Variants in USP34 observed in about 807,000 individuals in gnomAD.
USP34 encodes the protein ubiquitin specific peptidase 34, also known as ubiquitin carboxyl-terminal hydrolase 34.
Under a neutral mutation model 460.3 loss-of-function variants are expected in USP34, and 70 were observed. That is an observed-to-expected ratio of 0.15 (90% confidence interval 0.13 to 0.19). The LOEUF is 0.19. Ranked by LOEUF, USP34 falls within the 10% of genes least tolerant of loss-of-function variation. The pLI is 1.00. For missense variants in USP34, 3,985 were observed against 4,236.2 expected (o/e 0.94, Z 1.65); for synonymous variants, 1,647 against 1,405.3 (o/e 1.17, Z -3.85).
chr2:61,312,020 G>C, intron 25 of USP34, 110 bp from the exon 26 acceptor site: 1 of 1,348,648 alleles, frequency 7.4e-7, no homozygotes, highest in Non-Finnish European at 9.9e-7. Flanking sequence ...GAAGTTCTAA[G>C]TTCATTCCAA....
At chr2:61,403,863 G>C (rs528228218) in intron 3 of USP34, among the ~76,000 whole-genome samples, 1 of 151,774 alleles carries the variant, frequency 6.6e-6, no homozygotes, top group Non-Finnish European at 1.5e-5. Flanking sequence ...CATGGTGGCG[G>C]GCACCTGTAC....
intron 48 of USP34, among the ~76,000 whole-genome samples, chr2:61,252,862 CAG>C (rs899268618): frequency 6.6e-6 from 1 of 152,140 alleles, no homozygotes; most frequent in African/African-American, 2.4e-5. Context: ...GAACAGGTGA[CAG>C]AGCACAGCAA....
chr2:61,333,981 C>T lies in USP34; in HGVS notation c.2745-10G>A, dbSNP rs763313490. ...TGAAATTACTACTGATCTGAAACAG[C>T]AGAAACATTCACAAAATAATTTTAG... On this transcript the variant is annotated splice_polypyrimidine_tract_variant and intron_variant, in intron 18 of 79. Coordinates refer to ENST00000398571, the MANE Select transcript of USP34 (RefSeq NM_014709.4). 3 of 1,530,046 alleles carry T rather than the reference C, an allele frequency of 2.0e-6. No individual in the cohort carries two copies. Among genetic ancestry groups the T allele is most frequent in the Non-Finnish European group, 1.8e-6 (2 of 1,136,654 alleles). The allele number at this position is 1,530,046 out of a possible 1,614,324, so 94.8% of individuals were successfully genotyped here. A position where few individuals can be genotyped will look rare whatever the true frequency, so the allele number is the denominator to read the frequency against.
intron 37 of USP34, 148 bp from the exon 38 acceptor site, chr2:61,281,390 TA>T: frequency 3.9e-6 from 4 of 1,029,878 alleles, no homozygotes; most frequent in Non-Finnish European, 5.5e-6. Flanking sequence ...GGCAGGAGGA[TA>T]ACCTGTGGCC....
Position 61,321,448 on chromosome 2 carries a change from G to C in USP34, c.3014-2121C>G, listed in dbSNP as rs918657755. ...ATTTGCGCCACTGCTCTCCAGCCTG[G>C]TGACAGAGTAAGACTCCGTCTCAAA... On this transcript the variant is annotated intron_variant, in intron 21 of 79. Coordinates refer to ENST00000398571, the MANE Select transcript of USP34 (RefSeq NM_014709.4). 6.6e-5 allele frequency among the ~76,000 whole-genome samples: 10 copies of C among 152,168 alleles called. 1 individual carries two copies. The highest frequency in any genetic ancestry group is 1.3e-4 in the Non-Finnish European group (9 of 68,026).
intron 1 of USP34, among the ~76,000 whole-genome samples, chr2:61,466,135 A>G (rs191106863): frequency 2.6e-4 from 40 of 152,202 alleles, no homozygotes; most frequent in Non-Finnish European, 5.0e-4. Context: ...ACAATAATAT[A>G]TGATACAAGC....
At chr2:61,232,094 T>C (rs947889392) in intron 58 of USP34, among the ~76,000 whole-genome samples, 1 of 152,110 alleles carries the variant, frequency 6.6e-6, no homozygotes, top group African/African-American at 2.4e-5. Context: ...TCATTAGCTT[T>C]TGAGGTCACT....
chr2:61,301,323 T>C (rs778645114), intron 28 of USP34, 31 bp downstream of exon 28: 2 of 1,604,146 alleles, frequency 1.2e-6, no homozygotes, highest in African/African-American at 2.7e-5. Context: ...AAACAGATCA[T>C]TAAAACTCAA....
intron 18 of USP34, among the ~76,000 whole-genome samples, chr2:61,337,790 T>C (rs944398287): frequency 3.3e-5 from 5 of 152,158 alleles, no homozygotes; most frequent in Admixed American, 6.5e-5. Flanking sequence ...TTAGCATTCT[T>C]GACTCTGCCT....
At chr2:61,196,439 G>T (rs753155257) in intron 75 of USP34, among the ~76,000 whole-genome samples, 3 of 151,858 alleles carry the variant, frequency 2.0e-5, no homozygotes, top group Non-Finnish European at 4.4e-5. Flanking sequence ...TGCCCAAGCT[G>T]ATCTCCCATT....
chr2:61,193,593 C>G (rs758694434), intron 75 of USP34, among the ~76,000 whole-genome samples: 3 of 152,096 alleles, frequency 2.0e-5, no homozygotes, highest in Non-Finnish European at 4.4e-5. Context: ...CTTGACTATT[C>G]CAGATGTAAA....
Position 61,241,582 on chromosome 2 carries a change from T to C in USP34, c.6755A>G (p.Asp2252Gly). ...TACCTCTAGTAACTCTGACGAAACATCAAATTTGTATTCTCTGCCATTTTC... is the reference window on the plus strand; with the variant it reads ...TACCTCTAGTAACTCTGACGAAACACCAAATTTGTATTCTCTGCCATTTTC... ...EEENGREYKF[D>G]VSSELLEWIW... The change falls in exon 53 of 80, where the codon GAT becomes GGT. Residue 2252 changes from aspartate (D) to glycine (G), a missense_variant. Around this residue, in one of 14 missense-constraint regions of USP34, gnomAD observed 604 missense variants for 684.8 expected, o/e 0.88. Transcript: ENST00000398571. The C allele has an allele frequency of 6.2e-7, 1 of 1,609,506 alleles. No individual in the cohort carries two copies. The highest frequency in any genetic ancestry group is 2.2e-5 in the East Asian group (1 of 44,740).
intron 1 of USP34, among the ~76,000 whole-genome samples, chr2:61,433,827 T>G (rs1157888622): frequency 6.6e-6 from 1 of 152,060 alleles, no homozygotes; most frequent in African/African-American, 2.4e-5. Flanking sequence ...CAGAGCCACC[T>G]CTGGAGTGCA....
intron 72 of USP34, 128 bp from the exon 73 acceptor site, chr2:61,204,729 C>T: frequency 1.4e-6 from 1 of 691,986 alleles, no homozygotes; most frequent in Non-Finnish European, 2.5e-6. Context: ...AAGCTCCTGA[C>T]ACGAGTAGAA....
At chr2:61,256,674 GTTAA>G (rs1203015435) in intron 47 of USP34, among the ~76,000 whole-genome samples, 195 bp downstream of exon 47, 1 of 151,688 alleles carries the variant, frequency 6.6e-6, no homozygotes, top group Non-Finnish European at 1.5e-5. Flanking sequence ...TTTTTGAAGG[GTTAA>G]TTAAAAATTT....
chr2:61,229,561 C>G lies in USP34; in HGVS notation c.7186G>C (p.Gly2396Arg). ...PVHAHLYLQP[G>R]MEDGSDDMDT... ...AGTACTTCTTACCCATCTTCCATTC[C>G]TGGCTGCAAATAGAGATGAGCATGC... is the stretch of plus-strand genomic sequence containing the variant. The change falls in exon 59 of 80, where the codon GGA becomes CGA. Residue 2396 changes from glycine to arginine, a missense_variant. Gly to Arg is a moderately radical substitution (Grantham distance 125). Around this residue, in one of 14 missense-constraint regions of USP34, gnomAD observed 604 missense variants for 684.8 expected, o/e 0.88. Coordinates refer to ENST00000398571, the MANE Select transcript of USP34 (RefSeq NM_014709.4). 6.2e-7 allele frequency: 1 copy of G among 1,609,500 alleles called. No homozygotes were observed. The highest frequency in any genetic ancestry group is 8.5e-7 in the Non-Finnish European group (1 of 1,177,964).
intron 7 of USP34, among the ~76,000 whole-genome samples, chr2:61,378,668 G>C (rs750127057): frequency 1.3e-5 from 2 of 151,994 alleles, no homozygotes; most frequent in Non-Finnish European, 2.9e-5. Flanking sequence ...CACTTTAGGA[G>C]GCCAAGGCAG....
At chr2:61,372,546 G>A (rs1257971525) in intron 8 of USP34, among the ~76,000 whole-genome samples, 1 of 152,136 alleles carries the variant, frequency 6.6e-6, no homozygotes, top group Non-Finnish European at 1.5e-5. Context: ...GCTGGGCAAC[G>A]TAATGAAAGC....
intron 6 of USP34, among the ~76,000 whole-genome samples, chr2:61,381,479 T>C (rs772721479): frequency 2.0e-5 from 3 of 151,976 alleles, no homozygotes; most frequent in Non-Finnish European, 4.4e-5. Context: ...GCTGGGACTA[T>C]AGAAGCATGC....
Sources: gnomAD v4.1 joint callset for allele counts (sites outside exome capture counted in the v4.1 genomes callset) on GRCh38, gnomAD v4.1.1 for gene constraint, gnomAD v4.1.1 regional missense constraint, MANE v1.5 for transcripts, NCBI Gene and HGNC (gene_info 2026-07-23, HGNC 2026-07-21) for gene names.